SERGEF: variants seen among roughly 807,000 people sequenced by gnomAD.
SERGEF encodes secretion regulating guanine nucleotide exchange factor, also known as secretion-regulating guanine nucleotide exchange factor.
Under a neutral mutation model 50.0 loss-of-function variants are expected in SERGEF, and 51 were observed. The ratio of observed to expected loss-of-function variants is 1.02; its 90% CI spans 0.81 to 1.29. SERGEF has a LOEUF of 1.29. Ranked by LOEUF, SERGEF falls within the 50% of genes most tolerant of loss-of-function variation. The pLI is 0.00. For missense variants in SERGEF, 521 were observed against 557.0 expected (o/e 0.94, Z 0.65); for synonymous variants, 205 against 212.4 (o/e 0.97, Z 0.30).
intron 5 of SERGEF, among the ~76,000 whole-genome samples, chr11:17,996,991 A>G (rs1853849860): frequency 1.3e-5 from 2 of 152,212 alleles, no homozygotes; most frequent in South Asian, 2.1e-4. Flanking sequence ...GGATTGCTTG[A>G]GCCCAGAGTT....
In SERGEF at chr11:18,013,035, CGGGA is replaced by C. The variant is rs1854235756; in HGVS notation, c.-29_-26del. On this transcript the variant is annotated 5_prime_UTR_variant, in exon 1 of 11. Transcript: ENST00000265965. The surrounding 1 kb of genome is among the most constrained non-coding windows in gnomAD (Gnocchi z 4.3). ...TGCGAGGACGCTCCGCCGGCGCTTC[CGGGA>C]GGGACGGCACGGGGGCGGCGCCTGC... 9 of 1,351,816 alleles carry C rather than the reference CGGGA, an allele frequency of 6.7e-6. No homozygotes were observed. The highest frequency in any genetic ancestry group is 8.5e-6 in the Non-Finnish European group (9 of 1,062,110). 83.7% of individuals were successfully genotyped at this position (1,351,816 alleles called of 1,614,324 possible).
At chr11:17,911,540 G>A (rs1302420221) in intron 9 of SERGEF, among the ~76,000 whole-genome samples, 1 of 151,148 alleles carries the variant, frequency 6.6e-6, no homozygotes, top group Non-Finnish European at 1.5e-5. Flanking sequence ...GCCCAGACTG[G>A]AGTGCAGCAG....
At chr11:17,832,643 T>C (rs1850330131) in intron 10 of SERGEF, among the ~76,000 whole-genome samples, 2 of 152,192 alleles carry the variant, frequency 1.3e-5, no homozygotes, top group Non-Finnish European at 2.9e-5. Flanking sequence ...CCCTAGAGAC[T>C]TCTTGGAGAC....
Position 17,988,749 on chromosome 11 carries a change from C to T in SERGEF, c.692G>A (p.Gly231Glu), listed in dbSNP as rs889064061. 6.2e-7 allele frequency: 1 copy of T among 1,613,626 alleles called. No homozygotes were observed. The highest frequency in any genetic ancestry group is 8.5e-7 in the Non-Finnish European group (1 of 1,179,792). The stretch of plus-strand genomic sequence containing the variant: ...GTTGCTTCCCCAAACATACACCTCT[C>T]CTGCATCTTAAACAAACAGAAGGGT... The part of the protein sequence containing the change: ...SDHSASLTDA[G>E]EVYVWGSNKH... Residue 231 changes from glycine to glutamate, a missense_variant, in exon 8 of 11, where the codon GGA (glycine) becomes GAA (glutamate). Transcript: ENST00000265965.
intron 8 of SERGEF, among the ~76,000 whole-genome samples, chr11:17,972,807 C>T (rs1364781711): frequency 6.6e-6 from 1 of 152,084 alleles, no homozygotes; most frequent in Non-Finnish European, 1.5e-5. Flanking sequence ...GATGTCCCCA[C>T]GATTCCTCAC....
At chr11:17,875,314 C>G (rs930466513) in intron 10 of SERGEF, among the ~76,000 whole-genome samples, 1 of 152,224 alleles carries the variant, frequency 6.6e-6, no homozygotes, top group African/African-American at 2.4e-5. Flanking sequence ...GCCAAAGTTA[C>G]CTGGCATGCT....
At chr11:17,921,781 T>C (rs1565205406) in intron 9 of SERGEF, among the ~76,000 whole-genome samples, 3 of 151,968 alleles carry the variant, frequency 2.0e-5, no homozygotes, top group African/African-American at 4.8e-5. Flanking sequence ...GAACAACACA[T>C]GCAAAGGCCT....
In SERGEF at chr11:18,008,023, C is replaced by A; in HGVS notation, c.114G>T (p.Leu38Phe). 3.7e-6 allele frequency: 6 copies of A among 1,614,090 alleles called. No individual in the cohort carries two copies. Among genetic ancestry groups the A allele is most frequent in the Non-Finnish European group, 5.1e-6 (6 of 1,179,974 alleles). Residue 38 changes from leucine to phenylalanine, a missense_variant, in exon 2 of 11, where the codon TTG (leucine) becomes TTT (phenylalanine). By Grantham distance (22) the Leu-to-Phe change is conservative. Coordinates refer to ENST00000265965, the MANE Select transcript of SERGEF (RefSeq NM_012139.4). ...LGLGHKEDVL[L>F]PQQLNDFCKP... is the part of the protein sequence containing the mutation. ...TACAGAAGTCATTCAGTTGCTGGGG[C>A]AACAGCACATCTTCCTTATGGCCGA...
chr11:17,993,487 A>G (rs914869480), intron 6 of SERGEF, among the ~76,000 whole-genome samples: 1 of 152,166 alleles, frequency 6.6e-6, no homozygotes, highest in Non-Finnish European at 1.5e-5. Flanking sequence ...GCACTTAAAT[A>G]ACCCCAAGCC....
chr11:17,865,628 T>C (rs1851008751), intron 10 of SERGEF, among the ~76,000 whole-genome samples: 1 of 152,000 alleles, frequency 6.6e-6, no homozygotes, highest in South Asian at 2.1e-4. Context: ...AGCAAAATAA[T>C]AATAATAATA....
intron 8 of SERGEF, among the ~76,000 whole-genome samples, chr11:17,984,667 A>C (rs1333363642): frequency 6.6e-6 from 1 of 152,208 alleles, no homozygotes; most frequent in African/African-American, 2.4e-5. Context: ...AGTGGGCTGA[A>C]CTAGGGTGGT....
At chr11:17,906,826 G>GAAAAA (rs56102467) in intron 9 of SERGEF, among the ~76,000 whole-genome samples, 1 of 132,930 alleles carries the variant, frequency 7.5e-6, no homozygotes. Context: ...TATCAAATAA[G>GAAAAA]AAAAAAAAAA....
chr11:17,934,986 G>GACTTAGT (rs1852423881), intron 9 of SERGEF, among the ~76,000 whole-genome samples: 1 of 151,908 alleles, frequency 6.6e-6, no homozygotes, highest in African/African-American at 2.4e-5. Flanking sequence ...AGTCCTATAG[G>GACTTAGT]GCCCTAGTGC....
At chr11:17,864,837 G>A (rs1215476243) in intron 10 of SERGEF, among the ~76,000 whole-genome samples, 3 of 152,172 alleles carry the variant, frequency 2.0e-5, no homozygotes, top group African/African-American at 7.2e-5. Flanking sequence ...TCCCAGCTCT[G>A]CTACTGACCA....
chr11:17,818,433 G>C (rs1002292459), intron 10 of SERGEF, among the ~76,000 whole-genome samples: 3 of 152,088 alleles, frequency 2.0e-5, no homozygotes, highest in African/African-American at 7.2e-5. Flanking sequence ...CCATACATAT[G>C]TACCTTATTT....
chr11:17,879,231 T>G (rs1351715456), intron 9 of SERGEF, among the ~76,000 whole-genome samples: 1 of 152,214 alleles, frequency 6.6e-6, no homozygotes, highest in African/African-American at 2.4e-5. Context: ...TGCCCTTCAG[T>G]CTCCATATGT....
Position 17,991,758 on chromosome 11 carries a change from C to T in SERGEF, c.685+1173G>A, listed in dbSNP as rs7951271. Among the ~76,000 whole-genome samples the T allele has an allele frequency of 1.3e-5, 2 of 152,154 alleles. No individual in the cohort carries two copies. The highest frequency in any genetic ancestry group is 2.9e-5 in the Non-Finnish European group (2 of 68,020). On this transcript the variant is annotated intron_variant, in intron 7 of 10. Coordinates refer to ENST00000265965, the MANE Select transcript of SERGEF (RefSeq NM_012139.4). This position sits in a 1 kb window ranked among gnomAD's most constrained non-coding sequence, Gnocchi z 4.9. ...ATTTAAACTTTCATATTATGGCTCC[C>T]GTGCTCTTGAAATAACAACTTCTCA...
At chr11:17,845,665 G>A (rs1310179169) in intron 10 of SERGEF, among the ~76,000 whole-genome samples, 1 of 151,960 alleles carries the variant, frequency 6.6e-6, no homozygotes, top group Non-Finnish European at 1.5e-5. Context: ...TTTTCCTTTG[G>A]CATTGGATAC....
chr11:17,947,583 C>T (rs1359867886), intron 9 of SERGEF, among the ~76,000 whole-genome samples: 4 of 152,190 alleles, frequency 2.6e-5, no homozygotes, highest in Non-Finnish European at 5.9e-5. Context: ...ACAGGCTCTG[C>T]CAGAAGACTG....
Sources: allele counts gnomAD v4.1 joint callset (sites outside exome capture counted in the v4.1 genomes callset), GRCh38; gene constraint gnomAD v4.1.1; non-coding constraint Gnocchi (gnomAD v3.1); transcripts MANE v1.5; gene names NCBI Gene and HGNC (gene_info 2026-07-23, HGNC 2026-07-21).